ABCA6: variants seen among roughly 807,000 people sequenced by gnomAD.
The protein encoded by ABCA6 is ATP binding cassette subfamily A member 6.
ABCA6 carries 164 observed loss-of-function variants against 191.2 expected under a neutral mutation model. The ratio of observed to expected loss-of-function variants is 0.86; its 90% CI spans 0.76 to 0.98. The LOEUF (loss-of-function observed/expected upper bound fraction) is 0.98, where lower values mean the gene tolerates loss of function less well. Among genes scored for constraint, ABCA6 ranks in the 50% least tolerant of loss-of-function variants. ABCA6 has a pLI of 0.00. For synonymous variants in ABCA6, 636 were observed against 647.7 expected, an observed-to-expected ratio of 0.98 and a Z score of 0.27; for missense variants, 1,958 against 1,894.1, an observed-to-expected ratio of 1.03 and a Z score of -0.63.
intron 30 of ABCA6, 65 bp downstream of exon 30, chr17:69,086,553 T>C (rs991513445): frequency 1.1e-6 from 1 of 933,812 alleles, no homozygotes; most frequent in East Asian, 3.1e-5. Context: ...ACTGTGCCTA[T>C]GACATAGATG....
chr17:69,091,147 T>C lies in ABCA6; in HGVS notation c.3524A>G (p.Glu1175Gly). The change falls in exon 26 of 39, where the codon GAA becomes GGA. Residue 1175 changes from glutamate to glycine, a missense_variant. Glu to Gly is a moderately conservative substitution (Grantham distance 98). Transcript: ENST00000284425. ...ACAGTTGGTAACATTTCTTACCACT[T>C]CCAAAAAAGTTTTAAATCCAAGCAA... ...YTLLGFKTFL[E>G]VRDQEHYREF... 1 of 1,607,064 alleles carries C rather than the reference T, an allele frequency of 6.2e-7. No homozygotes were observed. Among genetic ancestry groups the C allele is most frequent in the Non-Finnish European group, 8.5e-7 (1 of 1,177,884 alleles).
chr17:69,097,074 T>A (rs552296670), intron 23 of ABCA6, among the ~76,000 whole-genome samples: 3 of 152,164 alleles, frequency 2.0e-5, no homozygotes, highest in Non-Finnish European at 4.4e-5. Flanking sequence ...GTGGACCTCA[T>A]AATGTTCAAG....
intron 18 of ABCA6, 80 bp downstream of exon 18, chr17:69,107,616 C>T (rs2073332735): frequency 1.0e-6 from 1 of 977,020 alleles, no homozygotes; most frequent in Non-Finnish European, 1.6e-6. Flanking sequence ...GTGTGAATCA[C>T]CCATAAGAAA....
chr17:69,125,444 T>C (rs754079911), intron 8 of ABCA6, among the ~76,000 whole-genome samples: 21 of 152,072 alleles, frequency 1.4e-4, no homozygotes, highest in Non-Finnish European at 2.8e-4. Flanking sequence ...TAAAAGTTTG[T>C]ATTTAGAATT....
chr17:69,133,858 TG>T lies in ABCA6; in HGVS notation c.573del (p.Asn192IlefsTer4). 6.3e-7 allele frequency: 1 copy of T among 1,589,152 alleles called. No individual in the cohort carries two copies. Among genetic ancestry groups the T allele is most frequent in the Non-Finnish European group, 8.6e-7 (1 of 1,167,078 alleles). ...AINTAIIEIT[T>X]NHPVMEELMS... ...ATCAACTCCTCCATCACAGGGTGAT[TG>T]GTTGTGATCTAAAGTAGAGTTTAAA... On this transcript the variant is annotated frameshift_variant, in exon 6 of 39. Transcript: ENST00000284425. LOFTEE classifies it high-confidence loss of function.
At chr17:69,109,816 C>A (rs1359944032) in intron 17 of ABCA6, 1 of 152,014 alleles carries the variant, frequency 6.6e-6, no homozygotes. Flanking sequence ...CCCTATTTTA[C>A]CTAATAAGGT....
chr17:69,081,280 A>C (rs1178009897), intron 36 of ABCA6, 135 bp from the exon 37 acceptor site: 1 of 543,628 alleles, frequency 1.8e-6, no homozygotes, highest in Non-Finnish European at 3.3e-6. Flanking sequence ...CTTAAATATG[A>C]AATCACAGCA....
In ABCA6 at chr17:69,133,837, ACTC is replaced by A. The variant is rs2073906256; in HGVS notation, c.592_594del (p.Glu198del). 1 of 1,608,826 alleles carries A rather than the reference ACTC, an allele frequency of 6.2e-7. No homozygotes were observed. The highest frequency in any genetic ancestry group is 1.3e-5 in the African/African-American group (1 of 74,856). ...ATAGTTATAGCAGTAACTGACATCA[ACTC>A]CTCCATCACAGGGTGATTGGTTGTG... On this transcript the variant is annotated inframe_deletion, in exon 6 of 39. Transcript: ENST00000284425.
intron 14 of ABCA6, 107 bp downstream of exon 14, chr17:69,113,511 C>T (rs778572266): frequency 7.7e-6 from 12 of 1,564,398 alleles, no homozygotes; most frequent in Non-Finnish European, 8.7e-6. Flanking sequence ...ATAGCAGGTT[C>T]TCTCTTGATG....
At chr17:69,135,967 G>T in intron 4 of ABCA6, 125 bp downstream of exon 4, 2 of 903,592 alleles carry the variant, frequency 2.2e-6, no homozygotes, top group Non-Finnish European at 3.4e-6. Context: ...AATAAGTTCA[G>T]CAATGAAATG....
chr17:69,134,968 C>T (rs2073926787), intron 4 of ABCA6, among the ~76,000 whole-genome samples: 1 of 145,134 alleles, frequency 6.9e-6, no homozygotes, highest in Non-Finnish European at 1.5e-5. Flanking sequence ...CTGCAACCTC[C>T]ACCTCCTGGG....
At chr17:69,118,013 CCATT>C in intron 10 of ABCA6, 57 bp from the exon 11 acceptor site, 2 of 1,213,656 alleles carry the variant, frequency 1.6e-6, no homozygotes, top group Non-Finnish European at 2.4e-6. Flanking sequence ...ATAGCACGGG[CCATT>C]TATAGCCCTA....
At chr17:69,126,775 G>C (rs1018063568) in intron 8 of ABCA6, among the ~76,000 whole-genome samples, 3 of 152,130 alleles carry the variant, frequency 2.0e-5, no homozygotes, top group Non-Finnish European at 2.9e-5. Flanking sequence ...TAATTCAACT[G>C]CATCACACTC....
intron 17 of ABCA6, 119 bp downstream of exon 17, chr17:69,110,682 C>T: frequency 8.4e-7 from 1 of 1,196,036 alleles, no homozygotes; most frequent in South Asian, 1.6e-5. Flanking sequence ...TTGAGTTCTG[C>T]TTCTCAGGTG....
In ABCA6 at chr17:69,078,946, C is replaced by A; in HGVS notation, c.*27G>T. ...CATAAAACATGAGTTTATAGGAGAT[C>A]AACAAAAAATTACTAGGTTTGAGGT... is the stretch of plus-strand genomic sequence containing the variant. On this transcript the variant is annotated 3_prime_UTR_variant, in exon 39 of 39. Transcript: ENST00000284425. The A allele has an allele frequency of 6.9e-7, 1 of 1,454,970 alleles. No individual in the cohort carries two copies. Among genetic ancestry groups the A allele is most frequent in the Non-Finnish European group, 9.5e-7 (1 of 1,054,798 alleles). The allele number at this position is 1,454,970 out of a possible 1,614,324, so 90.1% of individuals were successfully genotyped here.
At chr17:69,085,568 T>C in intron 31 of ABCA6, 57 bp downstream of exon 31, 2 of 1,117,268 alleles carry the variant, frequency 1.8e-6, no homozygotes, top group Non-Finnish European at 1.3e-6. Context: ...TACAAAGATA[T>C]AATCTATACG....
chr17:69,135,737 T>C (rs888096894), intron 4 of ABCA6: 4 of 376,640 alleles, frequency 1.1e-5, no homozygotes, highest in Non-Finnish European at 1.4e-5. Context: ...TAGGAACCCC[T>C]GGTCTAAGTG....
At chr17:69,141,404 A>C (rs929990317) in intron 1 of ABCA6, among the ~76,000 whole-genome samples, 3 of 152,094 alleles carry the variant, frequency 2.0e-5, no homozygotes, top group African/African-American at 7.2e-5. Context: ...AAGAAGCAAA[A>C]ATAAATCACA....
intron 2 of ABCA6, among the ~76,000 whole-genome samples, chr17:69,138,500 C>T (rs551056488): frequency 1.1e-4 from 16 of 152,056 alleles, no homozygotes; most frequent in South Asian, 8.3e-4. Flanking sequence ...GAATCAATAT[C>T]GTGAAAATGG....
Sources: allele counts gnomAD v4.1 joint callset (sites outside exome capture counted in the v4.1 genomes callset), GRCh38; gene constraint gnomAD v4.1.1; transcripts MANE v1.5; gene names NCBI Gene and HGNC (gene_info 2026-07-23, HGNC 2026-07-21).